Variants in TENM2 observed in about 807,000 individuals in gnomAD.
TENM2 encodes the protein teneurin transmembrane protein 2.
Under a neutral mutation model 245.2 loss-of-function variants are expected in TENM2, and 52 were observed. The ratio of observed to expected loss-of-function variants is 0.21; its 90% confidence interval spans 0.17 to 0.27. The LOEUF (loss-of-function observed/expected upper bound fraction) is 0.27, where lower values mean the gene tolerates loss of function less well. TENM2 is among the 10% of genes least tolerant of loss of function. The pLI is 1.00. For missense variants in TENM2, 3,046 were observed against 3,666.8 expected, an observed-to-expected ratio of 0.83 and a Z score of 4.37; for synonymous variants, 1,363 against 1,438.9, an observed-to-expected ratio of 0.95 and a Z score of 1.19.
chr5:167,548,148 T>A (rs1253185352), intron 2 of TENM2, among the ~76,000 whole-genome samples: 1 of 152,174 alleles, frequency 6.6e-6, no homozygotes, highest in Non-Finnish European at 1.5e-5. Context: ...ATTCAGTGAG[T>A]GTTTAATACC....
chr5:167,475,791 T>A (rs1182692303), intron 2 of TENM2, among the ~76,000 whole-genome samples: 1 of 152,174 alleles, frequency 6.6e-6, no homozygotes, highest in Non-Finnish European at 1.5e-5. Context: ...GGATGATGAC[T>A]TCCAGCTTCA....
the TENM2 span, among the ~76,000 whole-genome samples, chr5:167,180,693 G>A: frequency 2.0e-5 from 3 of 152,026 alleles, no homozygotes; most frequent in Admixed American, 6.6e-5. Context: ...GTTATATACT[G>A]CATTCCTAAA....
At position 168,210,805 on chromosome 5, in the gene TENM2, G is replaced by T. The variant is rs529089615; in HGVS notation, c.3825-929G>T. Reference sequence around the variant, plus strand: ...ACTGAAAGGGAAAGAGGGGTCAGGGGTTTCTTCCACTTTGGCCTAGAAGCC... The same window carrying T: ...ACTGAAAGGGAAAGAGGGGTCAGGGTTTTCTTCCACTTTGGCCTAGAAGCC... On this transcript the variant is annotated intron_variant, in intron 19 of 28. Transcript: ENST00000518659. Among the ~76,000 whole-genome samples, 5 of 152,162 alleles carry T rather than the reference G, an allele frequency of 3.3e-5. No individual in the cohort carries two copies. The East Asian group carries it at 7.7e-4, about 23-fold the overall frequency.
intron 6 of TENM2, among the ~76,000 whole-genome samples, chr5:168,051,180 A>G (rs1789054037): frequency 6.6e-6 from 1 of 152,228 alleles, no homozygotes; most frequent in African/African-American, 2.4e-5. Context: ...ATTTTAAGAA[A>G]GAATAAACTA....
chr5:167,593,566 T>C (rs1776016138), intron 2 of TENM2, among the ~76,000 whole-genome samples: 2 of 152,258 alleles, frequency 1.3e-5, no homozygotes, highest in East Asian at 3.8e-4. Flanking sequence ...CCGCAGAATC[T>C]GTGTCCATTG....
chr5:167,412,191 G>A (rs1328549398), intron 2 of TENM2, among the ~76,000 whole-genome samples: 1 of 152,020 alleles, frequency 6.6e-6, no homozygotes, highest in Non-Finnish European at 1.5e-5. Context: ...ACCACATTTC[G>A]TTTTTGGAAA....
intron 25 of TENM2, chr5:168,230,999 T>C (rs1446745211): frequency 1.3e-5 from 2 of 152,264 alleles, no homozygotes; most frequent in African/African-American, 4.8e-5. Flanking sequence ...AATGAGGACT[T>C]GCTCCAGTTG....
At position 167,630,696 on chromosome 5, in the gene TENM2, A is replaced by G. The variant is rs538763343; in HGVS notation, c.503-245290A>G. On this transcript the variant is annotated intron_variant, in intron 2 of 28. Transcript: ENST00000518659. ...TTTCTCAAAGCATTTATTCTTTAAA[A>G]TGCAATAACCATTTATAATATATTT... is the stretch of plus-strand genomic sequence containing the variant. Among the ~76,000 whole-genome samples, 3 of 152,324 alleles carry G rather than the reference A, an allele frequency of 2.0e-5. No individual in the cohort carries two copies. The South Asian group carries it at 6.2e-4, about 32-fold the overall frequency.
chr5:167,976,508 A>G (rs942255161), intron 4 of TENM2, among the ~76,000 whole-genome samples: 2 of 152,170 alleles, frequency 1.3e-5, no homozygotes, highest in Non-Finnish European at 2.9e-5. Context: ...TTAGTAATAT[A>G]CAAATATACT....
At chr5:167,357,119 C>T (rs1241654727) in intron 1 of TENM2, among the ~76,000 whole-genome samples, 3 of 152,004 alleles carry the variant, frequency 2.0e-5, no homozygotes, top group South Asian at 2.1e-4. Context: ...GGAAAAAGGC[C>T]TTGTCTTAAA....
intron 2 of TENM2, among the ~76,000 whole-genome samples, chr5:167,813,866 T>C (rs1358627296): frequency 2.0e-5 from 3 of 152,140 alleles, no homozygotes; most frequent in African/African-American, 7.2e-5. Context: ...ATCCTACATA[T>C]TACAATGCAG....
chr5:167,721,185 C>G lies in TENM2; in HGVS notation c.503-154801C>G, dbSNP rs368725526. Among the ~76,000 whole-genome samples, 4 of 151,798 alleles carry G rather than the reference C, an allele frequency of 2.6e-5. No homozygotes were observed. In the East Asian group the frequency reaches 7.8e-4, roughly 29 times the overall value. On this transcript the variant is annotated intron_variant, in intron 2 of 28. Transcript: ENST00000518659. ...TATACCTAATCCCCATTTCCATTTGCAGAGAAGTCAGTGAATAGAATCAGC... is the reference window on the plus strand; with the variant it reads ...TATACCTAATCCCCATTTCCATTTGGAGAGAAGTCAGTGAATAGAATCAGC...
At position 167,827,628 on chromosome 5, in the gene TENM2, C is replaced by G. The variant is rs73803220; in HGVS notation, c.503-48358C>G. 3.3e-3 allele frequency among the ~76,000 whole-genome samples: 114 copies of G among 34,242 alleles called. 2 individuals carry two copies. Among genetic ancestry groups the G allele is most frequent in the African/African-American group, 9.9e-3 (89 of 8,970 alleles). 22.5% of individuals were successfully genotyped at this position (34,242 alleles called of 152,430 possible). On this transcript the variant is annotated intron_variant, in intron 2 of 28. Coordinates refer to ENST00000518659, the Ensembl canonical transcript of TENM2. ...TTATTATGGCAAGGAGCTAGGTGGG[C>G]GGGGGGGGGGGAACAGTTTAATGAG...
chr5:167,869,888 T>A (rs1772668761), intron 2 of TENM2, among the ~76,000 whole-genome samples: 1 of 152,198 alleles, frequency 6.6e-6, no homozygotes, highest in Non-Finnish European at 1.5e-5. Flanking sequence ...ATCCCAGGTA[T>A]TGAAAATATT....
At chr5:167,803,735 T>C (rs1287740888) in intron 2 of TENM2, among the ~76,000 whole-genome samples, 1 of 152,112 alleles carries the variant, frequency 6.6e-6, no homozygotes, top group Admixed American at 6.6e-5. Flanking sequence ...TTTTTATATA[T>C]ATAGTTGCCA....
intron 2 of TENM2, chr5:167,755,286 A>G (rs2150671521): frequency 1.1e-6 from 1 of 881,534 alleles, no homozygotes; most frequent in Non-Finnish European, 1.8e-6. Context: ...CCTTCAGCGG[A>G]TACCAAGGGA....
chr5:168,238,561 C>G (rs1218249896), intron 25 of TENM2, among the ~76,000 whole-genome samples: 1 of 152,182 alleles, frequency 6.6e-6, no homozygotes, highest in Non-Finnish European at 1.5e-5. Flanking sequence ...GGAGGGGATC[C>G]AGCCCAGTGT....
the TENM2 span, among the ~76,000 whole-genome samples, chr5:167,117,419 C>G: frequency 6.6e-6 from 1 of 152,144 alleles, no homozygotes; most frequent in Admixed American, 6.5e-5. Flanking sequence ...AGGAGAATGG[C>G]GTGAACCCGG....
intron 4 of TENM2, among the ~76,000 whole-genome samples, chr5:167,978,171 C>T (rs893748122): frequency 1.3e-5 from 2 of 152,178 alleles, no homozygotes; most frequent in African/African-American, 4.8e-5. Flanking sequence ...GCCAAATAAA[C>T]ACCTTTTCTT....
Sources: allele counts gnomAD v4.1 joint callset (sites outside exome capture counted in the v4.1 genomes callset), GRCh38; gene constraint gnomAD v4.1.1; transcripts MANE v1.5; gene names NCBI Gene and HGNC (gene_info 2026-07-23, HGNC 2026-07-21).